The following UBAP2 variants were observed in gnomAD, a reference collection of about 807,000 sequenced individuals.
UBAP2 encodes the protein ubiquitin associated protein 2.
In UBAP2, 75 loss-of-function variants were observed where a neutral mutation model predicts 139.6. The ratio of observed to expected loss-of-function variants is 0.54; its 90% CI spans 0.45 to 0.65. The LOEUF (loss-of-function observed/expected upper bound fraction) is 0.65, where lower values mean the gene tolerates loss of function less well. UBAP2 is among the 30% of genes least tolerant of loss of function. The pLI is 0.00. For synonymous variants in UBAP2, 526 were observed against 526.2 expected, an observed-to-expected ratio of 1.00 and a Z score of 0.01; for missense variants, 1,368 against 1,369.6, an observed-to-expected ratio of 1.00 and a Z score of 0.02.
At position 33,922,060 on chromosome 9, in the gene UBAP2, A is replaced by C. The variant is rs1276043907; in HGVS notation, c.*444T>G. 1.2e-5 allele frequency: 2 copies of C among 160,442 alleles called. No individual in the cohort carries two copies. Among genetic ancestry groups the C allele is most frequent in the African/African-American group, 2.4e-5 (1 of 41,628 alleles). 9.9% of individuals were successfully genotyped at this position (160,442 alleles called of 1,614,324 possible). ...CAGAGGTATGAAGTAATTACACAGG[A>C]AAGAAAACAATTTCCAAAGGAGTGA... On this transcript the variant is annotated 3_prime_UTR_variant, in exon 29 of 29. Coordinates refer to ENST00000379238, the MANE Select transcript of UBAP2 (RefSeq NM_001370062.2).
At chr9:33,963,470 T>TA (rs1478641023) in intron 9 of UBAP2, among the ~76,000 whole-genome samples, 1 of 152,240 alleles carries the variant, frequency 6.6e-6, no homozygotes, top group Non-Finnish European at 1.5e-5. Flanking sequence ...AACTTGGTGT[T>TA]AGTCCTCTAA....
At chr9:33,923,563 A>G in intron 24 of UBAP2, 85 bp from the exon 25 acceptor site, 1 of 1,352,276 alleles carries the variant, frequency 7.4e-7, no homozygotes, top group Non-Finnish European at 1.1e-6. Context: ...CTAAGGCAGC[A>G]GGTGACATAC....
chr9:33,945,945 G>A (rs769046026), intron 13 of UBAP2, among the ~76,000 whole-genome samples: 29 of 152,186 alleles, frequency 1.9e-4, no homozygotes, highest in Non-Finnish European at 3.4e-4. Context: ...TCAACTGGTA[G>A]GATAAAGTTG....
intron 2 of UBAP2, among the ~76,000 whole-genome samples, chr9:34,005,434 C>CAAAAAAAAAAAAAAAAA (rs36086568): frequency 1.2e-5 from 1 of 86,306 alleles, no homozygotes; most frequent in Non-Finnish European, 2.2e-5. Context: ...GACCCTGTCT[C>CAAAAAAAAAAAAAAAAA]AAAAAAAAAA....
At chr9:33,938,064 C>T (rs1824756441) in intron 16 of UBAP2, among the ~76,000 whole-genome samples, 1 of 151,262 alleles carries the variant, frequency 6.6e-6, no homozygotes, top group South Asian at 2.1e-4. Context: ...GTGGTGTGAT[C>T]TCGGCTCATT....
At chr9:34,031,037 G>C (rs1453372039) in intron 1 of UBAP2, among the ~76,000 whole-genome samples, 1 of 152,118 alleles carries the variant, frequency 6.6e-6, no homozygotes, top group African/African-American at 2.4e-5. Flanking sequence ...CTGAGGTCAG[G>C]GTTTCAAGAC....
chr9:33,934,340 T>A (rs1824268604), intron 17 of UBAP2: 1 of 155,760 alleles, frequency 6.4e-6, no homozygotes, highest in Admixed American at 6.5e-5. Flanking sequence ...ACAACTCAGA[T>A]ATGTGCTTGG....
chr9:33,970,398 T>G (rs746406130), intron 8 of UBAP2, among the ~76,000 whole-genome samples: 2 of 152,018 alleles, frequency 1.3e-5, no homozygotes, highest in Non-Finnish European at 2.9e-5. Context: ...CTCTTATTTT[T>G]TGGCTAGGGT....
chr9:33,943,157 C>A (rs975987691), intron 15 of UBAP2, among the ~76,000 whole-genome samples: 4 of 152,108 alleles, frequency 2.6e-5, no homozygotes, highest in Admixed American at 2.6e-4. Flanking sequence ...AGTGAAAGAT[C>A]AGACATAAAA....
chr9:34,037,610 T>C (rs1458750229), intron 1 of UBAP2, among the ~76,000 whole-genome samples: 14 of 152,214 alleles, frequency 9.2e-5, no homozygotes, highest in Admixed American at 9.2e-4. Context: ...ATTAGCAATT[T>C]ACTTAGCATT....
At chr9:33,948,984 G>A (rs974928242) in intron 12 of UBAP2, 66 of 163,500 alleles carry the variant, frequency 4.0e-4, no homozygotes, top group African/African-American at 1.3e-3. Context: ...GGCTACCACA[G>A]TGAAACCCCG....
chr9:34,013,153 A>C (rs1456358904), intron 2 of UBAP2, among the ~76,000 whole-genome samples: 3 of 42,578 alleles, frequency 7.0e-5, no homozygotes, highest in African/African-American at 4.0e-4. Flanking sequence ...ACTCTAGCTC[A>C]AAAAAAAAAA....
At chr9:33,982,838 C>T (rs1203274529) in intron 6 of UBAP2, among the ~76,000 whole-genome samples, 1 of 151,710 alleles carries the variant, frequency 6.6e-6, no homozygotes, top group Non-Finnish European at 1.5e-5. Context: ...ACTCAATCTC[C>T]AATTCACTGG....
intron 8 of UBAP2, among the ~76,000 whole-genome samples, chr9:33,967,361 TG>T (rs1338647186): frequency 6.6e-6 from 1 of 152,226 alleles, no homozygotes; most frequent in Non-Finnish European, 1.5e-5. Context: ...ACAGTGTGAA[TG>T]GAAGCAGTGA....
intron 1 of UBAP2, among the ~76,000 whole-genome samples, chr9:34,048,577 G>A (rs1168949510): frequency 6.6e-6 from 1 of 152,140 alleles, no homozygotes; most frequent in Non-Finnish European, 1.5e-5. Context: ...GGGCCCAGCC[G>A]ACCTGGACGG....
In UBAP2 at chr9:33,923,426, G is replaced by A; in HGVS notation, c.2849C>T (p.Pro950Leu). 1 of 1,614,184 alleles carries A rather than the reference G, an allele frequency of 6.2e-7. No homozygotes were observed. The highest frequency in any genetic ancestry group is 1.7e-5 in the Admixed American group (1 of 60,014). ...QHGVNLSTPT[P>L]PFQQASGYGQ... ...ATAACCACTGGCCTGCTGGAAGGGA[G>A]GTGTGGGAGTGCTGAGGTTCACCCC... Residue 950 changes from proline (P) to leucine (L), a missense_variant, in exon 25 of 29, where the codon CCT becomes CTT. Coordinates refer to ENST00000379238, the MANE Select transcript of UBAP2 (RefSeq NM_001370062.2).
At chr9:33,993,813 A>G (rs1453368176) in intron 4 of UBAP2, among the ~76,000 whole-genome samples, 3 of 152,204 alleles carry the variant, frequency 2.0e-5, no homozygotes, top group African/African-American at 7.2e-5. Flanking sequence ...GAAGAAAACA[A>G]GAAGTCAGAT....
intron 4 of UBAP2, chr9:33,995,626 AATAT>A (rs1822139454): frequency 7.0e-6 from 1 of 142,430 alleles, no homozygotes; most frequent in Non-Finnish European, 1.5e-5. Context: ...TTTATAAATA[AATAT>A]ATACATATGT....
chr9:34,036,651 T>C (rs1826399575), intron 1 of UBAP2, among the ~76,000 whole-genome samples: 2 of 152,150 alleles, frequency 1.3e-5, no homozygotes, highest in South Asian at 4.1e-4. Context: ...CTAACATTGT[T>C]GACAACTGGC....
Sources: gnomAD v4.1 joint callset for allele counts (sites outside exome capture counted in the v4.1 genomes callset) on GRCh38, gnomAD v4.1.1 for gene constraint, MANE v1.5 for transcripts, NCBI Gene and HGNC (gene_info 2026-07-23, HGNC 2026-07-21) for gene names.